SLC25A40: variants seen among roughly 807,000 people sequenced by gnomAD.
The protein encoded by SLC25A40 is mitochondrial glutathione transporter SLC25A40.
A neutral mutation model predicts 46.5 loss-of-function variants in SLC25A40; 41 were observed. The ratio of observed to expected loss-of-function variants is 0.88; its 90% confidence interval spans 0.69 to 1.14. The LOEUF (loss-of-function observed/expected upper bound fraction) is 1.14. Among genes scored for constraint, SLC25A40 ranks in the 50% most tolerant of loss-of-function variants. SLC25A40 has a pLI of 0.00. For missense variants in SLC25A40, 386 were observed against 393.6 expected, an observed-to-expected ratio of 0.98 and a Z score of 0.16; for synonymous variants, 126 against 127.5, an observed-to-expected ratio of 0.99 and a Z score of 0.08.
intron 1 of SLC25A40, among the ~76,000 whole-genome samples, chr7:87,868,452 C>G (rs1245153261): frequency 6.6e-6 from 1 of 152,008 alleles, no homozygotes; most frequent in African/African-American, 2.4e-5. Flanking sequence ...AATCTGATCC[C>G]ACAGGTTGAG....
At chr7:87,866,998 T>C (rs1410203340) in intron 1 of SLC25A40, among the ~76,000 whole-genome samples, 1 of 151,858 alleles carries the variant, frequency 6.6e-6, no homozygotes, top group Non-Finnish European at 1.5e-5. Flanking sequence ...TAAGCGCTTA[T>C]TCTGTCTTTT....
intron 5 of SLC25A40, among the ~76,000 whole-genome samples, chr7:87,851,655 T>C (rs1838512895): frequency 6.6e-6 from 1 of 152,152 alleles, no homozygotes; most frequent in African/African-American, 2.4e-5. Flanking sequence ...GGAAACCATA[T>C]AGAAAGCCAG....
chr7:87,841,596 T>C (rs1051590023), intron 10 of SLC25A40, 37 bp downstream of exon 10: 3 of 1,263,198 alleles, frequency 2.4e-6, no homozygotes, highest in South Asian at 1.6e-5. Context: ...AAAACAAAAA[T>C]GGCATCTTAA....
chr7:87,863,430 G>A (rs545131078), intron 1 of SLC25A40, among the ~76,000 whole-genome samples: 1 of 152,090 alleles, frequency 6.6e-6, no homozygotes, highest in South Asian at 2.1e-4. Context: ...TGAAGGACAT[G>A]TGTGCTTCCT....
chr7:87,855,775 G>A (rs1189842560), intron 4 of SLC25A40, among the ~76,000 whole-genome samples: 2 of 152,120 alleles, frequency 1.3e-5, no homozygotes, highest in Admixed American at 6.6e-5. Context: ...AAATATGGTT[G>A]CAATGCCATT....
chr7:87,870,736 C>A (rs536077509), intron 1 of SLC25A40, among the ~76,000 whole-genome samples: 1 of 152,104 alleles, frequency 6.6e-6, no homozygotes, highest in Non-Finnish European at 1.5e-5. Context: ...TGGCTGGGGA[C>A]GGCCGGACCT....
intron 10 of SLC25A40, among the ~76,000 whole-genome samples, chr7:87,838,624 A>T (rs1838289335): frequency 6.6e-6 from 1 of 151,214 alleles, no homozygotes; most frequent in African/African-American, 2.4e-5. Context: ...ATTCCTCCCC[A>T]ATTTTATTTT....
At chr7:87,866,884 C>A (rs1205006165) in intron 1 of SLC25A40, among the ~76,000 whole-genome samples, 1 of 152,264 alleles carries the variant, frequency 6.6e-6, no homozygotes, top group Non-Finnish European at 1.5e-5. Flanking sequence ...TCCCTCCCAT[C>A]TTCCCTAAGA....
At chr7:87,850,660 T>A (rs1562744790) in intron 5 of SLC25A40, among the ~76,000 whole-genome samples, 1 of 151,682 alleles carries the variant, frequency 6.6e-6, no homozygotes, top group Non-Finnish European at 1.5e-5. Flanking sequence ...CCCAGCTACT[T>A]GGGAGTCTGA....
intron 8 of SLC25A40, among the ~76,000 whole-genome samples, chr7:87,845,590 T>C (rs150951893): frequency 3.3e-5 from 5 of 151,994 alleles, no homozygotes; most frequent in Admixed American, 6.6e-5. Flanking sequence ...CATGGAAAAA[T>C]TGTCTTCCAC....
At chr7:87,868,750 C>T (rs1051614597) in intron 1 of SLC25A40, among the ~76,000 whole-genome samples, 2 of 152,184 alleles carry the variant, frequency 1.3e-5, no homozygotes, top group African/African-American at 4.8e-5. Flanking sequence ...ATTCAGCTAT[C>T]CAGAAGCTCT....
intron 5 of SLC25A40, among the ~76,000 whole-genome samples, chr7:87,852,425 A>G (rs1462502666): frequency 2.0e-5 from 3 of 152,228 alleles, no homozygotes; most frequent in East Asian, 3.9e-4. Flanking sequence ...TACAAAAAAT[A>G]AATCACAGTG....
intron 10 of SLC25A40, among the ~76,000 whole-genome samples, chr7:87,840,791 G>C (rs1838319438): frequency 6.6e-6 from 1 of 151,748 alleles, no homozygotes; most frequent in South Asian, 2.1e-4. Context: ...ATAGGTCAAA[G>C]ACAAGGATGT....
chr7:87,843,517 A>G (rs1293687481), intron 9 of SLC25A40, among the ~76,000 whole-genome samples: 3 of 152,104 alleles, frequency 2.0e-5, no homozygotes, highest in Admixed American at 6.6e-5. Context: ...TAATGATCTA[A>G]CAAATCCAAA....
At chr7:87,852,479 G>T (rs145180169) in intron 5 of SLC25A40, among the ~76,000 whole-genome samples, 13 of 152,090 alleles carry the variant, frequency 8.5e-5, no homozygotes, top group Non-Finnish European at 1.6e-4. Context: ...GGAGGTGGGA[G>T]AATCTCTTGA....
At chr7:87,846,233 T>C (rs1015160287) in intron 8 of SLC25A40, among the ~76,000 whole-genome samples, 6 of 152,316 alleles carry the variant, frequency 3.9e-5, no homozygotes, top group Middle Eastern at 3.4e-3. Context: ...ATGAATGGCA[T>C]TCAATATAGT....
intron 1 of SLC25A40, among the ~76,000 whole-genome samples, chr7:87,865,109 T>C (rs1240258801): frequency 6.6e-6 from 1 of 152,062 alleles, no homozygotes; most frequent in African/African-American, 2.4e-5. Flanking sequence ...CTTGCAGACC[T>C]AGGACTACAG....
In SLC25A40 at chr7:87,843,447, T is replaced by G. The variant is rs188406948; in HGVS notation, c.741+307A>C. On this transcript the variant is annotated intron_variant, in intron 9 of 11. Coordinates refer to ENST00000341119, the MANE Select transcript of SLC25A40 (RefSeq NM_018843.4). ...ATGAAATATTACCTAATCAGAGCAT[T>G]TATTGAATTAATGTATTACAAAATG... Among the ~76,000 whole-genome samples the G allele has an allele frequency of 1.6e-4, 24 of 152,178 alleles. No homozygotes were observed. In the East Asian group the frequency reaches 4.6e-3, roughly 29 times the overall value.
intron 6 of SLC25A40, among the ~76,000 whole-genome samples, chr7:87,849,423 T>C (rs959763153): frequency 1.3e-5 from 2 of 152,188 alleles, no homozygotes; most frequent in East Asian, 1.9e-4. Flanking sequence ...GTTTGAAGTT[T>C]TGCTCATCAC....
Sources: gnomAD v4.1 joint callset for allele counts (sites outside exome capture counted in the v4.1 genomes callset) on GRCh38, gnomAD v4.1.1 for gene constraint, MANE v1.5 for transcripts, NCBI Gene and HGNC (gene_info 2026-07-23, HGNC 2026-07-21) for gene names.